KCNQ5: variants seen among roughly 807,000 people sequenced by gnomAD.
KCNQ5 encodes potassium voltage-gated channel subfamily Q member 5, also known as potassium voltage-gated channel subfamily KQT member 5.
In KCNQ5, 30 loss-of-function variants were observed where a neutral mutation model predicts 98.2. The ratio of observed to expected loss-of-function variants is 0.31; its 90% CI spans 0.23 to 0.41. The LOEUF is 0.41. Ranked by LOEUF, KCNQ5 falls within the 10% of genes least tolerant of loss-of-function variation. The pLI, the probability that KCNQ5 is intolerant of heterozygous loss-of-function variation, is 1.00. For synonymous variants in KCNQ5, 458 were observed against 449.4 expected, an observed-to-expected ratio of 1.02 and a Z score of -0.24; for missense variants, 835 against 1,182.5, an observed-to-expected ratio of 0.71 and a Z score of 4.31.
At chr6:72,647,922 A>G (rs967707019) in intron 1 of KCNQ5, among the ~76,000 whole-genome samples, 2 of 152,132 alleles carry the variant, frequency 1.3e-5, no homozygotes, top group African/African-American at 4.8e-5. Flanking sequence ...CTTTTATTTC[A>G]TTTGTTCAGC....
intron 5 of KCNQ5, among the ~76,000 whole-genome samples, chr6:73,088,170 C>T (rs550550239): frequency 9.1e-4 from 138 of 151,874 alleles, no homozygotes; most frequent in African/African-American, 3.2e-3. Context: ...TACAGGCATG[C>T]ACCACCACAC....
intron 11 of KCNQ5, among the ~76,000 whole-genome samples, chr6:73,180,354 C>T (rs538966474): frequency 3.9e-4 from 59 of 152,300 alleles, no homozygotes; most frequent in Middle Eastern, 3.4e-3. Flanking sequence ...ACTTCCTTTC[C>T]CTTCCAAGGT....
intron 1 of KCNQ5, among the ~76,000 whole-genome samples, chr6:72,851,828 T>C (rs1777271558): frequency 6.6e-6 from 1 of 152,172 alleles, no homozygotes; most frequent in Non-Finnish European, 1.5e-5. Flanking sequence ...GTTGTTTTTC[T>C]TGAAAATAAT....
At chr6:72,722,855 T>TTC (rs1438001322) in intron 1 of KCNQ5, among the ~76,000 whole-genome samples, 1 of 150,382 alleles carries the variant, frequency 6.6e-6, no homozygotes, top group Non-Finnish European at 1.5e-5. Context: ...TTGACTTTTT[T>TTC]TTTTTTTTTT....
At chr6:72,903,291 T>A (rs1316493642) in intron 1 of KCNQ5, among the ~76,000 whole-genome samples, 1 of 152,174 alleles carries the variant, frequency 6.6e-6, no homozygotes, top group East Asian at 1.9e-4. Flanking sequence ...CAGCTTTTTG[T>A]TTCATTTATC....
chr6:72,941,611 C>CTT (rs1766304776), intron 1 of KCNQ5, among the ~76,000 whole-genome samples: 1 of 62,182 alleles, frequency 1.6e-5, no homozygotes, highest in Non-Finnish European at 4.9e-5. Flanking sequence ...TAATTCCTTC[C>CTT]TTCCTGACTT....
chr6:72,627,680 A>T (rs1171437688), intron 1 of KCNQ5, among the ~76,000 whole-genome samples: 2 of 152,144 alleles, frequency 1.3e-5, no homozygotes, highest in African/African-American at 4.8e-5. Context: ...ATTCCTTGGA[A>T]GAGTTCACAC....
Position 72,807,971 on chromosome 6 carries a change from A to G in KCNQ5, c.398+185384A>G, listed in dbSNP as rs113202430. On this transcript the variant is annotated intron_variant, in intron 1 of 13. Coordinates refer to ENST00000370398, the MANE Select transcript of KCNQ5 (RefSeq NM_019842.4). ...GCTATGTTATAGAAAGGGAAGTGAG[A>G]AGAAAGTAGGTAGTGTTAAATAACT... is the stretch of plus-strand genomic sequence containing the variant. Among the ~76,000 whole-genome samples, 308 of 152,296 alleles carry G rather than the reference A, an allele frequency of 2.0e-3. 2 individuals are homozygous for G. The highest frequency in any genetic ancestry group is 7.0e-3 in the African/African-American group (290 of 41,572).
intron 3 of KCNQ5, among the ~76,000 whole-genome samples, chr6:73,063,686 T>TGATAGATAGTTAGATA (rs1772900314): frequency 1.1e-5 from 1 of 93,244 alleles, no homozygotes; most frequent in African/African-American, 4.0e-5. Context: ...GATAGATAGA[T>TGATAGATAGTTAGATA]GATAGATAGA....
intron 1 of KCNQ5, among the ~76,000 whole-genome samples, chr6:72,957,516 G>C (rs1767140979): frequency 6.6e-6 from 1 of 152,156 alleles, no homozygotes; most frequent in African/African-American, 2.4e-5. Context: ...CGCTCCCAGG[G>C]ATTCCAATTT....
At chr6:72,623,949 T>G (rs1039381002) in intron 1 of KCNQ5, among the ~76,000 whole-genome samples, 5 of 152,208 alleles carry the variant, frequency 3.3e-5, no homozygotes, top group African/African-American at 1.2e-4. Context: ...AACCTGGAAT[T>G]CAACCACATA....
At chr6:72,627,932 TGA>T (rs1162159569) in intron 1 of KCNQ5, among the ~76,000 whole-genome samples, 1 of 152,180 alleles carries the variant, frequency 6.6e-6, no homozygotes, top group East Asian at 1.9e-4. Context: ...TCTGCCAGGA[TGA>T]GTTAGGTGCC....
chr6:72,745,496 T>G (rs1220730188), intron 1 of KCNQ5, among the ~76,000 whole-genome samples: 1 of 152,188 alleles, frequency 6.6e-6, no homozygotes, highest in East Asian at 1.9e-4. Flanking sequence ...TTTTCATTCT[T>G]TTTCCTAAAC....
At chr6:73,040,133 T>G (rs1448843694) in intron 2 of KCNQ5, among the ~76,000 whole-genome samples, 1 of 152,190 alleles carries the variant, frequency 6.6e-6, no homozygotes, top group Non-Finnish European at 1.5e-5. Flanking sequence ...TGCAGTGACC[T>G]TGGCATACCT....
intron 1 of KCNQ5, among the ~76,000 whole-genome samples, chr6:72,903,153 G>A (rs56177951): frequency 2.0e-5 from 3 of 151,972 alleles, no homozygotes; most frequent in Non-Finnish European, 2.9e-5. Context: ...AAGATCTTTC[G>A]TATTTCTGTG....
intron 2 of KCNQ5, among the ~76,000 whole-genome samples, chr6:73,040,476 A>T (rs1157207623): frequency 6.6e-6 from 1 of 152,234 alleles, no homozygotes; most frequent in Non-Finnish European, 1.5e-5. Context: ...GGCACTTTAG[A>T]TACCTTAATA....
chr6:72,736,323 A>C (rs1313741246), intron 1 of KCNQ5, among the ~76,000 whole-genome samples: 2 of 152,098 alleles, frequency 1.3e-5, no homozygotes, highest in East Asian at 3.8e-4. Context: ...AATGTCCGAT[A>C]ATAAGGGGCA....
intron 1 of KCNQ5, among the ~76,000 whole-genome samples, chr6:72,671,890 C>T (rs1307654176): frequency 1.3e-5 from 2 of 151,944 alleles, no homozygotes; most frequent in African/African-American, 4.8e-5. Context: ...GATCTCGGCT[C>T]ACTGCGAGCT....
intron 9 of KCNQ5, among the ~76,000 whole-genome samples, chr6:73,125,993 A>G (rs551412776): frequency 5.9e-5 from 9 of 152,322 alleles, no homozygotes; most frequent in African/African-American, 1.7e-4. Context: ...CAAGCTGACC[A>G]ATTCTAGACT....
Sources: gnomAD v4.1 joint callset for allele counts (sites outside exome capture counted in the v4.1 genomes callset) on GRCh38, gnomAD v4.1.1 for gene constraint, MANE v1.5 for transcripts, NCBI Gene and HGNC (gene_info 2026-07-23, HGNC 2026-07-21) for gene names.